KIAA1671: variants seen among roughly 807,000 people sequenced by gnomAD.
KIAA1671 encodes the protein KIAA1671.
In KIAA1671, 52 loss-of-function variants were observed where a neutral mutation model predicts 131.2. The observed-to-expected ratio is 0.40, with a 90% CI of 0.32 to 0.50. The LOEUF is 0.50. Among genes scored for constraint, KIAA1671 ranks in the 20% least tolerant of loss-of-function variants. The pLI, the probability that KIAA1671 is intolerant of heterozygous loss-of-function variation, is 0.73. For synonymous variants in KIAA1671, 1,003 were observed against 961.6 expected (o/e 1.04, Z -0.80); for missense variants, 2,360 against 2,364.2 (o/e 1.00, Z 0.04).
intron 6 of KIAA1671, among the ~76,000 whole-genome samples, chr22:25,149,515 C>T (rs59357680): frequency 6.6e-6 from 1 of 152,266 alleles, no homozygotes; most frequent in East Asian, 1.9e-4. Flanking sequence ...TCCTTCCTGC[C>T]CTGTCCCTGG....
intron 11 of KIAA1671, among the ~76,000 whole-genome samples, chr22:25,187,474 ATT>A (rs55986117): frequency 2.0e-5 from 3 of 150,408 alleles, no homozygotes; most frequent in Admixed American, 6.6e-5. Flanking sequence ...CATAAACGTG[ATT>A]TTTTTTTTCT....
In KIAA1671 at chr22:25,041,122, C is replaced by T. The variant is rs1318909198; in HGVS notation, c.3992C>T (p.Ala1331Val). 6.5e-7 allele frequency: 1 copy of T among 1,549,816 alleles called. No individual in the cohort carries two copies. The highest frequency in any genetic ancestry group is 2.4e-5 in the East Asian group (1 of 40,900). The change falls in exon 5 of 13, where the codon GCC (alanine) becomes GTC (valine). Residue 1331 changes from alanine to valine, a missense_variant. Transcript: ENST00000358431. ...KTGFAEDDRK[A>V]FASKHHVAKC... The stretch of plus-strand genomic sequence containing the variant: ...GGGTTTGCTGAGGATGACAGAAAGG[C>T]CTTTGCCAGTAAACATCATGTTGCA...
At chr22:24,999,871 G>A (rs1924344558) in intron 1 of KIAA1671, among the ~76,000 whole-genome samples, 1 of 150,484 alleles carries the variant, frequency 6.6e-6, no homozygotes, top group Non-Finnish European at 1.5e-5. Context: ...TGAGTAGTAT[G>A]GTATTTCATT....
chr22:25,050,369 C>T (rs79590953), intron 6 of KIAA1671: 2,297 of 152,368 alleles, frequency 0.015, 26 homozygotes, highest in Middle Eastern at 0.041. Flanking sequence ...CCTTTCCGGC[C>T]CAGGTCCTAT....
At chr22:24,980,707 T>G (rs1923183373) in intron 1 of KIAA1671, among the ~76,000 whole-genome samples, 1 of 152,128 alleles carries the variant, frequency 6.6e-6, no homozygotes, top group East Asian at 1.9e-4. Context: ...TGCACAAGTG[T>G]TCCAATTTAT....
chr22:25,167,753 G>C (rs913752928), intron 6 of KIAA1671, among the ~76,000 whole-genome samples: 1 of 152,048 alleles, frequency 6.6e-6, no homozygotes, highest in African/African-American at 2.4e-5. Flanking sequence ...GGTGACTGAG[G>C]GATTTATTCT....
chr22:25,009,253 CTTTTTT>C (rs35147267), intron 1 of KIAA1671, among the ~76,000 whole-genome samples: 3 of 62,766 alleles, frequency 4.8e-5, no homozygotes, highest in African/African-American at 1.2e-4. Flanking sequence ...CCCTTCCCCA[CTTTTTT>C]TTTTTTTTTT....
intron 6 of KIAA1671, among the ~76,000 whole-genome samples, chr22:25,122,199 C>T (rs560391350): frequency 3.2e-4 from 49 of 152,216 alleles, no homozygotes; most frequent in Non-Finnish European, 5.3e-4. Flanking sequence ...GCTCGGGCAC[C>T]GGACCACATT....
chr22:25,114,738 A>G (rs1213139945), intron 6 of KIAA1671, among the ~76,000 whole-genome samples: 2 of 152,192 alleles, frequency 1.3e-5, no homozygotes, highest in East Asian at 1.9e-4. Context: ...AAGATTTTCA[A>G]TGAGCTGGAA....
chr22:24,957,636 T>A (rs1921780744), intron 1 of KIAA1671, among the ~76,000 whole-genome samples: 1 of 151,762 alleles, frequency 6.6e-6, no homozygotes, highest in Non-Finnish European at 1.5e-5. Context: ...AGAGCTGCGC[T>A]GTTATGCCAG....
chr22:25,148,679 C>G (rs1359256432), intron 6 of KIAA1671, among the ~76,000 whole-genome samples: 1 of 152,166 alleles, frequency 6.6e-6, no homozygotes, highest in Non-Finnish European at 1.5e-5. Flanking sequence ...GAGCTTCCAG[C>G]TCACCTGGAA....
At position 25,028,391 on chromosome 22, in the gene KIAA1671, T is replaced by A; in HGVS notation, c.392T>A (p.Phe131Tyr). The A allele has an allele frequency of 6.4e-7, 1 of 1,550,962 alleles. No individual in the cohort carries two copies. The highest frequency in any genetic ancestry group is 8.7e-7 in the Non-Finnish European group (1 of 1,146,848). ...GEGPRTSSPL[F>Y]NKAVFLRPSS... is the part of the protein sequence containing the mutation. ...GGCCCGAGGACGAGCTCGCCCCTCT[T>A]CAACAAGGCTGTGTTCCTGCGGCCC... Residue 131 changes from phenylalanine to tyrosine, a missense_variant, in exon 3 of 13, where the codon TTC becomes TAC. By Grantham distance (22) the Phe-to-Tyr change is conservative. Transcript: ENST00000358431.
At chr22:25,123,614 T>C (rs1191866148) in intron 6 of KIAA1671, among the ~76,000 whole-genome samples, 1 of 152,184 alleles carries the variant, frequency 6.6e-6, no homozygotes, top group African/African-American at 2.4e-5. Context: ...GAGGCCCATA[T>C]GGTGAGGAAC....
chr22:25,003,400 ATTTTTTTTTT>A lies in KIAA1671; in HGVS notation c.-207-22213_-207-22204del, dbSNP rs71191013. Among the ~76,000 whole-genome samples, 626 of 113,858 alleles carry A rather than the reference ATTTTTTTTTT, an allele frequency of 5.5e-3. 6 individuals carry two copies. The highest frequency in any genetic ancestry group is 0.021 in the African/African-American group (503 of 23,834). The allele number at this position is 113,858 out of a possible 152,430, so 74.7% of individuals were successfully genotyped here. A position where few individuals can be genotyped will look rare whatever the true frequency, so the allele number is the denominator to read the frequency against. On this transcript the variant is annotated intron_variant, in intron 1 of 12. Coordinates refer to ENST00000358431, the MANE Select transcript of KIAA1671 (RefSeq NM_001145206.2). Reference sequence around the variant, plus strand: ...GCCTTATCTCCTTTCACTTGGAGAGATTTTTTTTTTTTTTTTTTTTTTTTTTTTTGAGACG... The same window carrying A: ...GCCTTATCTCCTTTCACTTGGAGAGATTTTTTTTTTTTTTTTTTTGAGACG...
chr22:25,157,956 G>A (rs1318132743), intron 6 of KIAA1671, among the ~76,000 whole-genome samples: 1 of 151,968 alleles, frequency 6.6e-6, no homozygotes, highest in East Asian at 1.9e-4. Flanking sequence ...CGAGTAGCTG[G>A]GACTACAGGT....
chr22:25,150,872 G>T (rs377608169), intron 6 of KIAA1671, among the ~76,000 whole-genome samples: 2 of 134,900 alleles, frequency 1.5e-5, no homozygotes, highest in African/African-American at 2.8e-5. Flanking sequence ...TCACTCCATC[G>T]CCCAGGCTGG....
intron 1 of KIAA1671, among the ~76,000 whole-genome samples, chr22:25,021,245 G>A (rs1925650211): frequency 6.6e-6 from 1 of 152,028 alleles, no homozygotes; most frequent in South Asian, 2.1e-4. Context: ...TTTTAGTAGA[G>A]ATGGGTTTTT....
chr22:25,162,723 C>T (rs900800306), intron 6 of KIAA1671, among the ~76,000 whole-genome samples: 10 of 152,150 alleles, frequency 6.6e-5, no homozygotes, highest in African/African-American at 2.2e-4. Flanking sequence ...AAAATCTAGC[C>T]GGCTACTTCT....
At chr22:25,071,605 T>TGAGCCGAGATCCCGCC (rs1601283962) in intron 6 of KIAA1671, among the ~76,000 whole-genome samples, 13 of 151,562 alleles carry the variant, frequency 8.6e-5, no homozygotes, top group South Asian at 2.1e-4. Context: ...AAGTCTCCAA[T>TGAGCCGAGATCCCGCC]AATCGTATTT....
Sources: gnomAD v4.1 joint callset for allele counts (sites outside exome capture counted in the v4.1 genomes callset) on GRCh38, gnomAD v4.1.1 for gene constraint, MANE v1.5 for transcripts, NCBI Gene and HGNC (gene_info 2026-07-23, HGNC 2026-07-21) for gene names.